CEP63: variants seen among roughly 807,000 people sequenced by gnomAD.
CEP63 encodes centrosomal protein 63.
In CEP63, 84 loss-of-function variants were observed where a neutral mutation model predicts 89.1. That is an observed-to-expected ratio of 0.94 (90% CI 0.79 to 1.13). The LOEUF is 1.13. CEP63 is among the 50% of genes most tolerant of loss of function. The pLI is 0.00. For synonymous variants in CEP63, 267 were observed against 272.5 expected (o/e 0.98, Z 0.20); for missense variants, 838 against 813.3 (o/e 1.03, Z -0.37).
At position 134,508,497 on chromosome 3, in the gene CEP63, G is replaced by C. The variant is rs541300169; in HGVS notation, c.222+1211G>C. On this transcript the variant is annotated intron_variant, in intron 3 of 14. Transcript: ENST00000675561. ...CTTAGCTAGCACTTTGTTTCTCCTA[G>C]GGCAAAACAAAATTCTGTTTAGCAA... 4.9e-4 allele frequency among the ~76,000 whole-genome samples: 74 copies of C among 152,224 alleles called. 1 individual carries two copies. The South Asian group carries it at 5.8e-3, about 12-fold the overall frequency.
intron 2 of CEP63, among the ~76,000 whole-genome samples, chr3:134,495,948 T>C (rs1332954764): frequency 6.6e-6 from 1 of 152,266 alleles, no homozygotes; most frequent in African/African-American, 2.4e-5. Flanking sequence ...GATATATTTC[T>C]GACATTTTCT....
chr3:134,500,881 G>A (rs1941791900), intron 2 of CEP63, among the ~76,000 whole-genome samples: 1 of 152,108 alleles, frequency 6.6e-6, no homozygotes, highest in East Asian at 1.9e-4. Context: ...TGCTTTTGAG[G>A]ACATATCTTT....
the CEP63 span, among the ~76,000 whole-genome samples, chr3:134,763,636 G>A: frequency 6.6e-6 from 1 of 152,166 alleles, no homozygotes; most frequent in Non-Finnish European, 1.5e-5. Context: ...TACCCAGTTC[G>A]CTGTGTTTTG....
At chr3:134,628,087 C>T in the CEP63 span, 1 of 505,338 alleles carries the variant, frequency 2.0e-6, no homozygotes. Flanking sequence ...TTGCTCTGAC[C>T]TAACACTTTG....
chr3:134,723,841 T>C, the CEP63 span, among the ~76,000 whole-genome samples: 1 of 152,206 alleles, frequency 6.6e-6, no homozygotes, highest in Non-Finnish European at 1.5e-5. Flanking sequence ...AATGACAGTA[T>C]ATAAGATGCA....
chr3:134,619,071 G>A, the CEP63 span: 6 of 1,237,070 alleles, frequency 4.9e-6, no homozygotes, highest in Non-Finnish European at 5.9e-6. Context: ...CTGGCATGTG[G>A]GCAAAGGCAC....
chr3:134,698,904 C>A, the CEP63 span, among the ~76,000 whole-genome samples: 1 of 152,226 alleles, frequency 6.6e-6, no homozygotes, highest in Non-Finnish European at 1.5e-5. Flanking sequence ...ACATCACCAG[C>A]TAGCTCTTCT....
chr3:134,594,057 G>A, the CEP63 span, among the ~76,000 whole-genome samples: 1 of 152,208 alleles, frequency 6.6e-6, no homozygotes, highest in South Asian at 2.1e-4. Flanking sequence ...GAATAAAATG[G>A]TGGATGTTAA....
the CEP63 span, among the ~76,000 whole-genome samples, chr3:134,611,469 T>C: frequency 3.3e-5 from 5 of 152,350 alleles, no homozygotes; most frequent in East Asian, 3.9e-4. Flanking sequence ...ATTTCACTGC[T>C]AGTCTGACCT....
chr3:134,603,657 T>G, the CEP63 span: 10 of 1,613,474 alleles, frequency 6.2e-6, no homozygotes, highest in Non-Finnish European at 8.5e-6. Context: ...TGACATAGAC[T>G]TCCTGGCAGC....
the CEP63 span, among the ~76,000 whole-genome samples, chr3:134,696,782 A>C: frequency 6.6e-6 from 1 of 152,198 alleles, no homozygotes; most frequent in Non-Finnish European, 1.5e-5. Context: ...CTTGTCAAAA[A>C]GATAGTGTTT....
At chr3:134,497,149 T>A (rs1330764005) in intron 2 of CEP63, among the ~76,000 whole-genome samples, 1 of 152,234 alleles carries the variant, frequency 6.6e-6, no homozygotes, top group African/African-American at 2.4e-5. Context: ...GTTGTTTTTC[T>A]TGTATATTCT....
At chr3:134,708,987 C>A in the CEP63 span, among the ~76,000 whole-genome samples, 1 of 152,134 alleles carries the variant, frequency 6.6e-6, no homozygotes, top group Non-Finnish European at 1.5e-5. Context: ...GGAAAAAAAC[C>A]ACTGTCTTCA....
chr3:134,641,430 T>TA, the CEP63 span, among the ~76,000 whole-genome samples: 1 of 152,106 alleles, frequency 6.6e-6, no homozygotes, highest in African/African-American at 2.4e-5. Flanking sequence ...GTCAGCTATT[T>TA]ATAAGCAGAG....
At chr3:134,553,170 T>G (rs1339542955) in intron 12 of CEP63, 2 of 152,156 alleles carry the variant, frequency 1.3e-5, no homozygotes, top group Admixed American at 6.5e-5. Context: ...GCTCCCTGTT[T>G]GCTCTGAAAA....
intron 8 of CEP63, 55 bp downstream of exon 8, chr3:134,546,343 GCAC>G: frequency 7.0e-7 from 1 of 1,438,282 alleles, no homozygotes; most frequent in Non-Finnish European, 9.6e-7. Context: ...TAGGTATTAA[GCAC>G]TAGGCTTATT....
At chr3:134,538,517 G>T (rs1378961968) in intron 6 of CEP63, among the ~76,000 whole-genome samples, 217 of 79,320 alleles carry the variant, frequency 2.7e-3, no homozygotes, top group African/African-American at 7.2e-3. Context: ...GACCTAATAA[G>T]AAATTGTGTG....
intron 9 of CEP63, among the ~76,000 whole-genome samples, chr3:134,548,545 T>A (rs1954111501): frequency 6.6e-6 from 1 of 152,242 alleles, no homozygotes; most frequent in African/African-American, 2.4e-5. Context: ...ATTTGTACAC[T>A]GACATTTTCT....
At chr3:134,485,992 C>CG, upstream of CEP63, 2 of 61,950 alleles carry the variant, frequency 3.2e-5, no homozygotes, top group Non-Finnish European at 3.5e-5. Flanking sequence ...TCCTGCCACG[C>CG]CCCCCCCCCC....
Sources: allele counts gnomAD v4.1 joint callset (sites outside exome capture counted in the v4.1 genomes callset), GRCh38; gene constraint gnomAD v4.1.1; transcripts MANE v1.5; gene names NCBI Gene and HGNC (gene_info 2026-07-23, HGNC 2026-07-21).